The following AOAH variants were observed in gnomAD, a reference collection of about 807,000 sequenced individuals.
AOAH encodes acyloxyacyl hydrolase, also known as acyloxyacyl hydrolase (neutrophil).
A neutral mutation model predicts 92.2 loss-of-function variants in AOAH; 64 were observed. That is an observed-to-expected ratio of 0.69 (90% CI 0.57 to 0.86). AOAH has a LOEUF of 0.86. Ranked by LOEUF, AOAH falls within the 40% of genes least tolerant of loss-of-function variation. The probability of loss-of-function intolerance (pLI) is 0.00; values close to 1 mark genes in which losing one functional copy is unlikely to be tolerated. For missense variants in AOAH, 656 were observed against 694.6 expected (o/e 0.94, Z 0.62); for synonymous variants, 263 against 254.5 (o/e 1.03, Z -0.32).
intron 3 of AOAH, among the ~76,000 whole-genome samples, chr7:36,660,863 T>G (rs1795178530): frequency 1.3e-5 from 2 of 152,218 alleles, no homozygotes; most frequent in South Asian, 4.1e-4. Context: ...GTATAAACTC[T>G]TCTATAAGTA....
intron 19 of AOAH, among the ~76,000 whole-genome samples, chr7:36,527,224 A>T (rs1784444024): frequency 6.6e-6 from 1 of 152,188 alleles, no homozygotes. Context: ...TGGAAAATGA[A>T]TGGGTCTTGT....
In AOAH at chr7:36,620,639, T is replaced by C. The variant is rs566666364; in HGVS notation, c.702+142A>G. ...CTCTTCATGCATCATCAGGATTCTA[T>C]ACCCCTCTTCTAAGCAGCAGGAAAA... On this transcript the variant is annotated intron_variant, in intron 9 of 20. Coordinates refer to ENST00000617537, the MANE Select transcript of AOAH (RefSeq NM_001637.4). 1.5e-4 allele frequency: 109 copies of C among 705,734 alleles called. 2 individuals are homozygous for C. The African/African-American group carries it at 1.7e-3, about 11-fold the overall frequency. The allele number at this position is 705,734 out of a possible 1,614,324, so 43.7% of individuals were successfully genotyped here. A position where few individuals can be genotyped will look rare whatever the true frequency, so the allele number is the denominator to read the frequency against.
intron 13 of AOAH, among the ~76,000 whole-genome samples, chr7:36,566,040 A>C (rs925685968): frequency 2.0e-5 from 3 of 148,500 alleles, no homozygotes; most frequent in African/African-American, 7.4e-5. Flanking sequence ...ATCTAAACTG[A>C]TTGCTTAGTC....
intron 2 of AOAH, among the ~76,000 whole-genome samples, chr7:36,685,500 T>C (rs1052717262): frequency 5.9e-5 from 9 of 152,184 alleles, no homozygotes; most frequent in African/African-American, 2.2e-4. Flanking sequence ...ACATTTGCTT[T>C]GCGTGGTTTT....
intron 13 of AOAH, among the ~76,000 whole-genome samples, chr7:36,563,988 C>T (rs1787488485): frequency 6.6e-6 from 1 of 152,140 alleles, no homozygotes; most frequent in South Asian, 2.1e-4. Context: ...AAATGATTCT[C>T]TAAAACATAG....
intron 13 of AOAH, among the ~76,000 whole-genome samples, chr7:36,551,340 G>A (rs1220871831): frequency 6.6e-6 from 1 of 152,060 alleles, no homozygotes; most frequent in Non-Finnish European, 1.5e-5. Flanking sequence ...CCAAAGTGCT[G>A]GGATTACAGG....
intron 12 of AOAH, among the ~76,000 whole-genome samples, chr7:36,581,718 TATAG>T (rs1381096856): frequency 2.0e-5 from 3 of 152,182 alleles, no homozygotes; most frequent in Non-Finnish European, 4.4e-5. Context: ...GTATTAATAT[TATAG>T]ATACAGTTAG....
intron 11 of AOAH, among the ~76,000 whole-genome samples, chr7:36,608,381 C>T (rs1316043104): frequency 6.6e-6 from 1 of 152,194 alleles, no homozygotes; most frequent in African/African-American, 2.4e-5. Flanking sequence ...CACTCCCTTC[C>T]TTTGCAGGCT....
At chr7:36,591,848 C>T (rs1020600429) in intron 12 of AOAH, among the ~76,000 whole-genome samples, 1 of 152,168 alleles carries the variant, frequency 6.6e-6, no homozygotes, top group African/African-American at 2.4e-5. Flanking sequence ...AGAGCAACTA[C>T]TGGTGTGTGC....
intron 4 of AOAH, among the ~76,000 whole-genome samples, chr7:36,640,850 C>A (rs1419209644): frequency 3.3e-5 from 5 of 152,214 alleles, no homozygotes; most frequent in African/African-American, 1.2e-4. Context: ...GCCTGGCCGA[C>A]TTGAAGCCGC....
rs141717589 is a variant in AOAH at position 36,712,252 on chromosome 7, C to T, written c.127+11770G>A. Reference sequence around the variant, plus strand: ...TTCATCAATCAAACTATGAAGTCATCGTGAACCACTCTGTGTGTGGTATGC... The same window carrying T: ...TTCATCAATCAAACTATGAAGTCATTGTGAACCACTCTGTGTGTGGTATGC... On this transcript the variant is annotated intron_variant, in intron 1 of 20. Transcript: ENST00000617537. 1.6e-3 allele frequency among the ~76,000 whole-genome samples: 248 copies of T among 152,234 alleles called. 1 individual carries two copies. The highest frequency in any genetic ancestry group is 4.5e-3 in the African/African-American group (189 of 41,550).
chr7:36,678,194 G>A (rs1433116004), intron 2 of AOAH, among the ~76,000 whole-genome samples: 2 of 152,134 alleles, frequency 1.3e-5, no homozygotes, highest in Non-Finnish European at 2.9e-5. Flanking sequence ...AGAGGGTCAA[G>A]AAGCTCTGAT....
At chr7:36,658,161 A>C (rs531683002) in intron 4 of AOAH, among the ~76,000 whole-genome samples, 1 of 152,284 alleles carries the variant, frequency 6.6e-6, no homozygotes, top group African/African-American at 2.4e-5. Flanking sequence ...TGACAGAGGA[A>C]GCTTGAAATA....
chr7:36,612,397 T>C (rs1791529425), intron 11 of AOAH, among the ~76,000 whole-genome samples: 1 of 152,226 alleles, frequency 6.6e-6, no homozygotes, highest in African/African-American at 2.4e-5. Context: ...TATTAACTGG[T>C]TGCACAAAAT....
intron 10 of AOAH, among the ~76,000 whole-genome samples, chr7:36,616,689 T>G (rs1225458961): frequency 6.6e-6 from 1 of 152,170 alleles, no homozygotes; most frequent in Admixed American, 6.5e-5. Flanking sequence ...AGCTAAGATG[T>G]AGAGATGCAG....
In AOAH at chr7:36,548,553, A is replaced by G. The variant is rs1023458429; in HGVS notation, c.1133+59T>C. 4.2e-5 allele frequency: 59 copies of G among 1,401,482 alleles called. No homozygotes were observed. In the African/African-American group the frequency reaches 6.2e-4, roughly 15 times the overall value. The allele number at this position is 1,401,482 out of a possible 1,614,324, so 86.8% of individuals were successfully genotyped here. A position where few individuals can be genotyped will look rare whatever the true frequency, so the allele number is the denominator to read the frequency against. On this transcript the variant is annotated intron_variant, in intron 15 of 20. Transcript: ENST00000617537. ...ATAATGGAGTGGAGTTGGTGAGGAGAGGGTGGGGAAGAGCCCAGAGCCAAA... is the reference window on the plus strand; with the variant it reads ...ATAATGGAGTGGAGTTGGTGAGGAGGGGGTGGGGAAGAGCCCAGAGCCAAA...
chr7:36,630,237 C>A (rs1009530298), intron 6 of AOAH, among the ~76,000 whole-genome samples: 1 of 152,162 alleles, frequency 6.6e-6, no homozygotes, highest in Non-Finnish European at 1.5e-5. Flanking sequence ...TCTAAGCCAC[C>A]CAGTTTGTGG....
At chr7:36,697,278 T>A (rs1797781432) in intron 1 of AOAH, among the ~76,000 whole-genome samples, 1 of 152,226 alleles carries the variant, frequency 6.6e-6, no homozygotes, top group Admixed American at 6.5e-5. Context: ...TCAAATAATT[T>A]TCCTACTTCT....
chr7:36,686,671 T>C, intron 2 of AOAH, 28 bp downstream of exon 2: 1 of 1,393,378 alleles, frequency 7.2e-7, no homozygotes, highest in Non-Finnish European at 9.6e-7. Flanking sequence ...AAGCAGACCC[T>C]CAGCAGTATG....
Sources: allele counts gnomAD v4.1 joint callset (sites outside exome capture counted in the v4.1 genomes callset), GRCh38; gene constraint gnomAD v4.1.1; transcripts MANE v1.5; gene names NCBI Gene and HGNC (gene_info 2026-07-23, HGNC 2026-07-21).